The following DDX4 variants were observed in gnomAD, a reference collection of about 807,000 sequenced individuals.
DDX4 encodes probable ATP-dependent RNA helicase DDX4.
Under a neutral mutation model 100.0 loss-of-function variants are expected in DDX4, and 25 were observed. The observed-to-expected ratio is 0.25, with a 90% confidence interval of 0.18 to 0.35. The LOEUF (loss-of-function observed/expected upper bound fraction) is 0.35, where lower values mean the gene tolerates loss of function less well. Among genes scored for constraint, DDX4 ranks in the 10% least tolerant of loss-of-function variants. DDX4 has a pLI of 1.00. For synonymous variants in DDX4, 259 were observed against 275.7 expected (o/e 0.94, Z 0.60); for missense variants, 635 against 882.4 (o/e 0.72, Z 3.55).
chr5:55,760,300 A>G, intron 4 of DDX4, 23 bp downstream of exon 4: 1 of 1,539,758 alleles, frequency 6.5e-7, no homozygotes, highest in Non-Finnish European at 8.7e-7. Flanking sequence ...GTCTTTCCTT[A>G]ATCTCCTGAA....
chr5:55,811,340 A>G (rs1744114192), intron 18 of DDX4, among the ~76,000 whole-genome samples: 1 of 152,146 alleles, frequency 6.6e-6, no homozygotes, highest in African/African-American at 2.4e-5. Flanking sequence ...TTTAGGACAA[A>G]ATGTGTCTCC....
chr5:55,790,426 G>A (rs975781695), intron 15 of DDX4, 150 bp from the exon 16 acceptor site: 80 of 601,698 alleles, frequency 1.3e-4, no homozygotes, highest in South Asian at 3.9e-4. Context: ...GATTACAGGC[G>A]TGAGCCACTG....
In DDX4 at chr5:55,763,239, T is replaced by G; in HGVS notation, c.270T>G (p.Ser90Arg). The G allele has an allele frequency of 6.2e-7, 1 of 1,606,416 alleles. No homozygotes were observed. The highest frequency in any genetic ancestry group is 8.5e-7 in the Non-Finnish European group (1 of 1,173,548). The change falls in exon 5 of 22, where the codon AGT becomes AGG. Residue 90 changes from serine (S) to arginine (R), a missense_variant. Transcript: ENST00000505374. ...STMGGFGVGK[S>R]FGNRGFSNSR... Reference sequence around the variant, plus strand: ...TGGGTGGTTTTGGAGTTGGAAAGAGTTTTGGAAACAGAGGTAATTACTTGG... The same window carrying G: ...TGGGTGGTTTTGGAGTTGGAAAGAGGTTTGGAAACAGAGGTAATTACTTGG...
intron 9 of DDX4, 45 bp from the exon 10 acceptor site, chr5:55,781,889 G>T: frequency 6.2e-7 from 1 of 1,603,748 alleles, no homozygotes; most frequent in South Asian, 1.1e-5. Context: ...TGCTTGAGCA[G>T]CAGCTGTGTT....
intron 4 of DDX4, among the ~76,000 whole-genome samples, chr5:55,761,408 G>A (rs2111789777): frequency 6.6e-6 from 1 of 152,084 alleles, no homozygotes; most frequent in African/African-American, 2.4e-5. Context: ...ACCTTTTTCA[G>A]TGAGAAAATC....
chr5:55,741,443 G>A (rs540899386), intron 2 of DDX4, among the ~76,000 whole-genome samples: 1 of 152,262 alleles, frequency 6.6e-6, no homozygotes, highest in Non-Finnish European at 1.5e-5. Context: ...TAGTTGACTC[G>A]AAGGAACATG....
chr5:55,763,476 T>C lies in DDX4; in HGVS notation c.283+224T>C, dbSNP rs963560169. On this transcript the variant is annotated intron_variant, in intron 5 of 21. Transcript: ENST00000505374. ...GCTTTTAAAATTAATTCTAGAGACATGTCTGTATGCTTCAGAGATGCATAA... is the reference window on the plus strand; with the variant it reads ...GCTTTTAAAATTAATTCTAGAGACACGTCTGTATGCTTCAGAGATGCATAA... Among the ~76,000 whole-genome samples, 5 of 152,152 alleles carry C rather than the reference T, an allele frequency of 3.3e-5. No homozygotes were observed. The South Asian group carries it at 8.3e-4, about 25-fold the overall frequency.
At chr5:55,808,584 C>T (rs952870017) in intron 18 of DDX4, among the ~76,000 whole-genome samples, 12 of 152,222 alleles carry the variant, frequency 7.9e-5, no homozygotes, top group African/African-American at 2.7e-4. Context: ...GAGGTCCACT[C>T]CAGACCTTGT....
At chr5:55,752,293 A>G (rs1219686710) in intron 3 of DDX4, among the ~76,000 whole-genome samples, 1 of 146,248 alleles carries the variant, frequency 6.8e-6, no homozygotes, top group East Asian at 2.1e-4. Context: ...CTAACTCGTC[A>G]TCTAGCATTA....
chr5:55,739,888 CAT>C (rs1261380537), intron 2 of DDX4, among the ~76,000 whole-genome samples: 1 of 151,930 alleles, frequency 6.6e-6, no homozygotes, highest in Non-Finnish European at 1.5e-5. Flanking sequence ...AAAGAAATAA[CAT>C]GTTACCTTTT....
At chr5:55,815,241 T>A (rs896687147) in intron 20 of DDX4, 70 bp downstream of exon 20, 5 of 1,598,468 alleles carry the variant, frequency 3.1e-6, no homozygotes, top group Non-Finnish European at 4.3e-6. Context: ...ATTTTATGCA[T>A]GTGTATATAA....
At chr5:55,815,942 T>TTG (rs1307537918) in intron 21 of DDX4, among the ~76,000 whole-genome samples, 5 of 148,414 alleles carry the variant, frequency 3.4e-5, no homozygotes, top group South Asian at 2.1e-4. Context: ...AGCTGGTTTT[T>TTG]TTTTTTTTTT....
intron 18 of DDX4, among the ~76,000 whole-genome samples, chr5:55,809,711 A>T (rs1198239247): frequency 6.6e-6 from 1 of 152,212 alleles, no homozygotes; most frequent in Non-Finnish European, 1.5e-5. Flanking sequence ...TCACCTGTAG[A>T]TGTAGAATAG....
In DDX4 at chr5:55,790,695, G is replaced by C. The variant is rs150405693; in HGVS notation, c.1292G>C (p.Gly431Ala). The C allele has an allele frequency of 1.2e-6, 2 of 1,611,740 alleles. No homozygotes were observed. Among genetic ancestry groups the C allele is most frequent in the Non-Finnish European group, 1.7e-6 (2 of 1,178,424 alleles). ...ATPGRLMDIIGKEKIGLKQIK... is the reference protein window; with the variant it reads ...ATPGRLMDIIAKEKIGLKQIK... ...CCTGGAAGACTGATGGATATCATAG[G>C]CAAAGAAAAGGTACGCCTTATAGGA... The change falls in exon 16 of 22, where the codon GGC becomes GCC. Residue 431 changes from glycine (G) to alanine (A), a missense_variant. Transcript: ENST00000505374.
At chr5:55,774,335 A>C (rs1741434796) in intron 7 of DDX4, among the ~76,000 whole-genome samples, 1 of 151,692 alleles carries the variant, frequency 6.6e-6, no homozygotes, top group Non-Finnish European at 1.5e-5. Context: ...TATTTTTTGT[A>C]GGGATGGGGT....
chr5:55,791,951 A>AACACAC (rs372353234), intron 16 of DDX4, among the ~76,000 whole-genome samples: 2 of 150,576 alleles, frequency 1.3e-5, no homozygotes, highest in African/African-American at 2.4e-5. Context: ...CTCTACTAAA[A>AACACAC]ACACACACAC....
intron 10 of DDX4, among the ~76,000 whole-genome samples, chr5:55,784,321 C>T (rs938095951): frequency 6.6e-5 from 10 of 152,112 alleles, no homozygotes; most frequent in African/African-American, 2.4e-4. Context: ...AGAAAATTTG[C>T]CTTTCCTCTG....
intron 7 of DDX4, among the ~76,000 whole-genome samples, chr5:55,771,952 C>T (rs1220473658): frequency 6.6e-6 from 1 of 152,166 alleles, no homozygotes; most frequent in African/African-American, 2.4e-5. Flanking sequence ...AGGCCGGACG[C>T]GGTGGCTTAT....
chr5:55,812,861 A>G (rs1744195610), intron 18 of DDX4, among the ~76,000 whole-genome samples: 1 of 150,674 alleles, frequency 6.6e-6, no homozygotes, highest in Non-Finnish European at 1.5e-5. Flanking sequence ...AGGGGCTTTT[A>G]TTTCCGCATT....
Sources: gnomAD v4.1 joint callset for allele counts (sites outside exome capture counted in the v4.1 genomes callset) on GRCh38, gnomAD v4.1.1 for gene constraint, MANE v1.5 for transcripts, NCBI Gene and HGNC (gene_info 2026-07-23, HGNC 2026-07-21) for gene names.